The following ETS2 variants were observed in gnomAD, a reference collection of about 807,000 sequenced individuals.
ETS2 encodes ETS proto-oncogene 2, transcription factor.
A neutral mutation model predicts 54.9 loss-of-function variants in ETS2; 19 were observed. The ratio of observed to expected loss-of-function variants is 0.35; its 90% CI spans 0.24 to 0.51. ETS2 has a LOEUF of 0.51. Ranked by LOEUF, ETS2 falls within the 20% of genes least tolerant of loss-of-function variation. The pLI, the probability that ETS2 is intolerant of heterozygous loss-of-function variation, is 0.97. For missense variants in ETS2, 417 were observed against 593.0 expected, an observed-to-expected ratio of 0.70 and a Z score of 3.08; for synonymous variants, 219 against 229.3, an observed-to-expected ratio of 0.95 and a Z score of 0.41.
chr21:38,822,335 T>C (rs1217172991), intron 9 of ETS2, among the ~76,000 whole-genome samples: 1 of 152,184 alleles, frequency 6.6e-6, no homozygotes, highest in Non-Finnish European at 1.5e-5. Context: ...ACTTCAGTAG[T>C]TGGAATATCC....
rs1363449231 is a variant in ETS2 at position 38,821,859 on chromosome 21, G to A, written c.1194+155G>A. Reference sequence around the variant, plus strand: ...CTTGGCTGTTGGGAAAATGGAAGTGGAGTCATTGCTTTGTTGATAAACGTG... The same window carrying A: ...CTTGGCTGTTGGGAAAATGGAAGTGAAGTCATTGCTTTGTTGATAAACGTG... On this transcript the variant is annotated intron_variant, in intron 9 of 9. Coordinates refer to ENST00000360938, the MANE Select transcript of ETS2 (RefSeq NM_005239.6). This position sits in a 1 kb window ranked among gnomAD's most constrained non-coding sequence, Gnocchi z 4.2. Among the ~76,000 whole-genome samples, 1 of 152,210 alleles carries A rather than the reference G, an allele frequency of 6.6e-6. No homozygotes were observed. Among genetic ancestry groups the A allele is most frequent in the African/African-American group, 2.4e-5 (1 of 41,452 alleles).
rs753377257 is a variant in ETS2 at position 38,822,853 on chromosome 21, C to T, written c.1374C>T (p.His458=). The T allele has an allele frequency of 1.4e-5, 23 of 1,602,450 alleles. No individual in the cohort carries two copies. The highest frequency in any genetic ancestry group is 3.4e-5 in the Admixed American group (2 of 59,300). ...TGGGGTTCACGCCCGAGGAACTGCA[C>T]GCCATCCTGGGCGTCCAGCCCGACA... ...NLLGFTPEEL[H]AILGVQPDTE... Residue 458 remains histidine (H), a synonymous_variant, in exon 10 of 10, where the codon CAC becomes CAT. Coordinates refer to ENST00000360938, the MANE Select transcript of ETS2 (RefSeq NM_005239.6).
At chr21:38,807,848 G>A (rs1032771730) in intron 1 of ETS2, among the ~76,000 whole-genome samples, 1 of 152,164 alleles carries the variant, frequency 6.6e-6, no homozygotes, top group Non-Finnish European at 1.5e-5. Context: ...GACCCATCCG[G>A]CTCTGGATGG....
chr21:38,806,118 A>T lies in ETS2; in HGVS notation c.-3A>T. ...AAGCGCCGGCCCTGCCCGCAGCGGC[A>T]GGGTAAGAGCTGGGCCCGCAGAGAG... On this transcript the variant is annotated splice_region_variant and 5_prime_UTR_variant, in exon 1 of 10. Coordinates refer to ENST00000360938, the MANE Select transcript of ETS2 (RefSeq NM_005239.6). This position sits in a 1 kb window ranked among gnomAD's most constrained non-coding sequence, Gnocchi z 4.3. 9 of 1,054,044 alleles carry T rather than the reference A, an allele frequency of 8.5e-6. No individual in the cohort carries two copies. Among genetic ancestry groups the T allele is most frequent in the Non-Finnish European group, 1.0e-5 (9 of 874,630 alleles). The allele number at this position is 1,054,044 out of a possible 1,614,324, so 65.3% of individuals were successfully genotyped here.
intron 6 of ETS2, among the ~76,000 whole-genome samples, chr21:38,818,040 G>A (rs1003667902): frequency 2.6e-5 from 4 of 151,916 alleles, no homozygotes; most frequent in Admixed American, 6.5e-5. Flanking sequence ...AGCACACAGG[G>A]TTCATGGCCT....
chr21:38,809,804 A>C (rs2060906997), intron 1 of ETS2: 1 of 392,496 alleles, frequency 2.5e-6, no homozygotes, highest in Non-Finnish European at 4.6e-6. Flanking sequence ...TCAGTGAGGA[A>C]TCAGCATTAT....
upstream of ETS2, chr21:38,805,535 G>C (rs1186611287): frequency 7.8e-7 from 1 of 1,286,766 alleles, no homozygotes; most frequent in Non-Finnish European, 1.0e-6. The surrounding 1 kb of genome is among the most constrained non-coding windows in gnomAD (Gnocchi z 5.2). Context: ...TCGCGCGCAC[G>C]TGGGGCCGAG....
At position 38,806,055 on chromosome 21, in the gene ETS2, C is replaced by T. The variant is rs1052352518; in HGVS notation, c.-66C>T. On this transcript the variant is annotated 5_prime_UTR_variant, in exon 1 of 10. Transcript: ENST00000360938. This position sits in a 1 kb window ranked among gnomAD's most constrained non-coding sequence, Gnocchi z 4.3. The stretch of plus-strand genomic sequence containing the variant: ...GCCCTCGCCCTCGCCCGGCGCGCAC[C>T]GAGCAGCCGCGGGCGCCGAGCAGCC... The T allele has an allele frequency of 1.0e-5, 12 of 1,183,988 alleles. No individual in the cohort carries two copies. In the African/African-American group the frequency reaches 1.8e-4, roughly 18 times the overall value. 73.3% of individuals were successfully genotyped at this position (1,183,988 alleles called of 1,614,324 possible).
Position 38,823,763 on chromosome 21 carries a change from G to A in ETS2, c.*874G>A, listed in dbSNP as rs1057030857. ...CTGGCCTCTGCTTTCTCCTTTAATT[G>A]TAAAGTAAAAGCTATAAAGCAGTAT... On this transcript the variant is annotated 3_prime_UTR_variant, in exon 10 of 10. Coordinates refer to ENST00000360938, the MANE Select transcript of ETS2 (RefSeq NM_005239.6). 6.6e-6 allele frequency: 1 copy of A among 152,574 alleles called. No homozygotes were observed. Among genetic ancestry groups the A allele is most frequent in the Middle Eastern group, 3.2e-3 (1 of 316 alleles). 9.5% of individuals were successfully genotyped at this position (152,574 alleles called of 1,614,324 possible). A position where few individuals can be genotyped will look rare whatever the true frequency, so the allele number is the denominator to read the frequency against.
chr21:38,824,642 A>C lies in ETS2; in HGVS notation c.*1753A>C, dbSNP rs979335956. On this transcript the variant is annotated 3_prime_UTR_variant, in exon 10 of 10. Coordinates refer to ENST00000360938, the MANE Select transcript of ETS2 (RefSeq NM_005239.6). Reference sequence around the variant, plus strand: ...CATTCCCAGTATACATAAGCACAGGATGTTTTTCTCAAGAGGGATGTATTT... The same window carrying C: ...CATTCCCAGTATACATAAGCACAGGCTGTTTTTCTCAAGAGGGATGTATTT... 1 of 152,578 alleles carries C rather than the reference A, an allele frequency of 6.6e-6. No homozygotes were observed. Among genetic ancestry groups the C allele is most frequent in the Non-Finnish European group, 1.5e-5 (1 of 68,048 alleles). 9.5% of individuals were successfully genotyped at this position (152,578 alleles called of 1,614,324 possible).
intron 8 of ETS2, among the ~76,000 whole-genome samples, chr21:38,820,041 G>A (rs944331867): frequency 2.0e-5 from 3 of 152,176 alleles, no homozygotes; most frequent in Admixed American, 1.3e-4. Context: ...TTGGAGCAGG[G>A]GACATGGCCT....
intron 5 of ETS2, among the ~76,000 whole-genome samples, chr21:38,816,476 C>T (rs999301843): frequency 2.6e-5 from 4 of 152,076 alleles, no homozygotes; most frequent in Admixed American, 2.6e-4. Context: ...GTAATATATT[C>T]GTAGTAAGTA....
In ETS2 at chr21:38,824,941, T is replaced by C. The variant is rs1420159252; in HGVS notation, c.*2052T>C. 6.6e-6 allele frequency: 1 copy of C among 152,466 alleles called. No homozygotes were observed. Among genetic ancestry groups the C allele is most frequent in the Non-Finnish European group, 1.5e-5 (1 of 68,036 alleles). 9.4% of individuals were successfully genotyped at this position (152,466 alleles called of 1,614,324 possible). A position where few individuals can be genotyped will look rare whatever the true frequency, so the allele number is the denominator to read the frequency against. On this transcript the variant is annotated 3_prime_UTR_variant, in exon 10 of 10. Coordinates refer to ENST00000360938, the MANE Select transcript of ETS2 (RefSeq NM_005239.6). ...CCTTTACTCTCTCAATAATAAAGTA[T>C]TTTGTTTATATAAATTCTTTGTGAT...
At chr21:38,818,163 G>A (rs1371666958) in intron 6 of ETS2, among the ~76,000 whole-genome samples, 1 of 152,186 alleles carries the variant, frequency 6.6e-6, no homozygotes, top group East Asian at 1.9e-4. Flanking sequence ...AAGGTCCCAT[G>A]AAAGCACTAG....
At chr21:38,815,379 G>A (rs1442795908) in intron 5 of ETS2, among the ~76,000 whole-genome samples, 4 of 152,076 alleles carry the variant, frequency 2.6e-5, no homozygotes, top group African/African-American at 9.7e-5. Context: ...ATGAAAGGGG[G>A]GAGCCTTTAC....
chr21:38,818,373 A>T (rs1288847201), intron 6 of ETS2, 52 bp from the exon 7 acceptor site: 1 of 1,611,228 alleles, frequency 6.2e-7, no homozygotes, highest in Admixed American at 1.7e-5. Context: ...GGGGTTAGTT[A>T]CTGGGGTAAC....
In ETS2 at chr21:38,816,871, C is replaced by T. The variant is rs2060937411; in HGVS notation, c.506-137C>T. 19 of 564,296 alleles carry T rather than the reference C, an allele frequency of 3.4e-5. 1 individual carries two copies. The South Asian group carries it at 4.8e-4, about 14-fold the overall frequency. 35.0% of individuals were successfully genotyped at this position (564,296 alleles called of 1,614,324 possible). The stretch of plus-strand genomic sequence containing the variant: ...AAAGACAGGCAGGGACGTGGAGCAC[C>T]ATGAGATTAAATGTGAAGCACTCCG... On this transcript the variant is annotated intron_variant, in intron 5 of 9. Transcript: ENST00000360938.
At position 38,821,044 on chromosome 21, in the gene ETS2, T is replaced by C. The variant is rs1601432698; in HGVS notation, c.1076-542T>C. ...CAGACAGAGGCTGTGAGGCAACGGG[T>C]GTGACCCCGCGTGGCTATTGAGTAA... On this transcript the variant is annotated intron_variant, in intron 8 of 9. Coordinates refer to ENST00000360938, the MANE Select transcript of ETS2 (RefSeq NM_005239.6). This position sits in a 1 kb window ranked among gnomAD's most constrained non-coding sequence, Gnocchi z 4.2. Among the ~76,000 whole-genome samples, 1 of 152,112 alleles carries C rather than the reference T, an allele frequency of 6.6e-6. No individual in the cohort carries two copies. Among genetic ancestry groups the C allele is most frequent in the Non-Finnish European group, 1.5e-5 (1 of 68,012 alleles).
In ETS2 at chr21:38,819,756, C is replaced by T. The variant is rs745562769; in HGVS notation, c.1065C>T (p.Ala355=). The T allele has an allele frequency of 2.5e-5, 41 of 1,612,596 alleles. 1 individual carries two copies. The Admixed American group carries it at 3.2e-4, about 12-fold the overall frequency. Residue 355 remains alanine (A), a synonymous_variant, in exon 8 of 10, where the codon GCC becomes GCT. Coordinates refer to ENST00000360938, the MANE Select transcript of ETS2 (RefSeq NM_005239.6). ...GKPVIPAAVL[A]GFTGSGPIQL... Reference sequence around the variant, plus strand: ...CAGTTATACCTGCAGCTGTGCTGGCCGGCTTCACAGGTGTGTGTGGAACTC... The same window carrying T: ...CAGTTATACCTGCAGCTGTGCTGGCTGGCTTCACAGGTGTGTGTGGAACTC...
Sources: allele counts gnomAD v4.1 joint callset (sites outside exome capture counted in the v4.1 genomes callset), GRCh38; gene constraint gnomAD v4.1.1; non-coding constraint Gnocchi (gnomAD v3.1); transcripts MANE v1.5; gene names NCBI Gene and HGNC (gene_info 2026-07-23, HGNC 2026-07-21).